Variants in IAH1 observed in about 807,000 individuals in gnomAD.
The protein encoded by IAH1 is isoamyl acetate-hydrolyzing esterase 1 homolog.
Under a neutral mutation model 26.7 loss-of-function variants are expected in IAH1, and 24 were observed. The observed-to-expected ratio is 0.90, with a 90% CI of 0.65 to 1.26. The LOEUF is 1.26. Among genes scored for constraint, IAH1 ranks in the 50% most tolerant of loss-of-function variants. The pLI, the probability that IAH1 is intolerant of heterozygous loss-of-function variation, is 0.00. For missense variants in IAH1, 300 were observed against 299.9 expected, an observed-to-expected ratio of 1.00 and a Z score of 0.00; for synonymous variants, 140 against 118.5, an observed-to-expected ratio of 1.18 and a Z score of -1.18.
intron 3 of IAH1, among the ~76,000 whole-genome samples, chr2:9,479,352 G>A (rs748970469): frequency 2.0e-5 from 3 of 152,090 alleles, no homozygotes; most frequent in East Asian, 1.9e-4. Flanking sequence ...AATAGGCTGC[G>A]AAAAAACTGA....
chr2:9,484,828 GTTC>G (rs1168031994), intron 5 of IAH1: 6 of 337,154 alleles, frequency 1.8e-5, no homozygotes, highest in East Asian at 1.1e-4. Flanking sequence ...TCCAGGCCAA[GTTC>G]TTCTTTCATA....
At chr2:9,505,619 G>A in the IAH1 span, 1 of 475,924 alleles carries the variant, frequency 2.1e-6, no homozygotes, top group Admixed American at 3.3e-5. Context: ...AGGTAAGCAA[G>A]CTATACAAAT....
At chr2:9,484,670 C>A in intron 5 of IAH1, 120 bp downstream of exon 5, 2 of 648,114 alleles carry the variant, frequency 3.1e-6, no homozygotes, top group Middle Eastern at 4.1e-4. Flanking sequence ...TCCCTTTAGC[C>A]AATGAAAACA....
Position 9,484,335 on chromosome 2 carries a change from T to A in IAH1, c.446-97T>A. The A allele has an allele frequency of 3.1e-6, 3 of 952,758 alleles. No homozygotes were observed. In the South Asian group the frequency reaches 4.3e-5, roughly 14 times the overall value. 59.0% of individuals were successfully genotyped at this position (952,758 alleles called of 1,614,324 possible). A position where few individuals can be genotyped will look rare whatever the true frequency, so the allele number is the denominator to read the frequency against. ...TGGCCCAAGTGGGGTCAATATTTAA[T>A]GGCATTTTGAAACTGTCTAGATGAG... On this transcript the variant is annotated intron_variant, in intron 4 of 5. Coordinates refer to ENST00000497473, the MANE Select transcript of IAH1 (RefSeq NM_001039613.3).
At chr2:9,488,000 ATTT>A in intron 5 of IAH1, 144 bp from the exon 6 acceptor site, 1 of 553,254 alleles carries the variant, frequency 1.8e-6, no homozygotes, top group Non-Finnish European at 3.1e-6. Context: ...CACCCAGCTA[ATTT>A]TTGTATTTTT....
At chr2:9,476,175 G>C in intron 2 of IAH1, 136 bp downstream of exon 2, 1 of 184,428 alleles carries the variant, frequency 5.4e-6, no homozygotes, top group Admixed American at 5.9e-5. Context: ...CAGTATATAG[G>C]AGAAGGAACA....
chr2:9,490,726 A>G (rs1662063805), downstream of IAH1, among the ~76,000 whole-genome samples: 1 of 152,218 alleles, frequency 6.6e-6, no homozygotes, highest in African/African-American at 2.4e-5. Flanking sequence ...TTAATGGCAA[A>G]AACAGTAATT....
chr2:9,481,030 T>G, intron 3 of IAH1: 1 of 358,190 alleles, frequency 2.8e-6, no homozygotes, highest in Non-Finnish European at 5.0e-6. Context: ...ACCTAATTGA[T>G]GTAATAACCA....
chr2:9,489,443 A>T lies in IAH1; in HGVS notation c.*1114A>T, dbSNP rs1661901148. ...GTAACAGGGATACATGAAGATACTT[A>T]TAAAATACAGAAAAACTGCCCAGCA... On this transcript the variant is annotated 3_prime_UTR_variant, in exon 6 of 6. Transcript: ENST00000497473. 6.6e-6 allele frequency: 1 copy of T among 151,924 alleles called. No individual in the cohort carries two copies. Among genetic ancestry groups the T allele is most frequent in the Admixed American group, 6.6e-5 (1 of 15,238 alleles). 9.4% of individuals were successfully genotyped at this position (151,924 alleles called of 1,614,324 possible).
intron 2 of IAH1, 54 bp from the exon 3 acceptor site, chr2:9,478,168 C>A: frequency 6.6e-7 from 1 of 1,508,012 alleles, no homozygotes. Flanking sequence ...CCGGTTACTG[C>A]GACCATAAAC....
chr2:9,503,159 G>GAA, the IAH1 span, among the ~76,000 whole-genome samples: 1 of 139,312 alleles, frequency 7.2e-6, no homozygotes, highest in Admixed American at 7.2e-5. Flanking sequence ...AAAAGACAAG[G>GAA]AAAAAAAAAA....
the IAH1 span, among the ~76,000 whole-genome samples, chr2:9,508,487 C>G: frequency 6.6e-6 from 1 of 152,228 alleles, no homozygotes; most frequent in African/African-American, 2.4e-5. Context: ...TCAGTGATTT[C>G]TAATAACTTT....
At chr2:9,477,609 C>T (rs914079318) in intron 2 of IAH1, among the ~76,000 whole-genome samples, 2 of 151,754 alleles carry the variant, frequency 1.3e-5, no homozygotes, top group Non-Finnish European at 2.9e-5. Context: ...GCACAGCGTG[C>T]CCAGGGTCAC....
upstream of IAH1, chr2:9,474,012 G>A (rs1682317397): frequency 6.6e-6 from 1 of 150,948 alleles, no homozygotes; most frequent in Non-Finnish European, 1.5e-5. This position sits in a 1 kb window ranked among gnomAD's most constrained non-coding sequence, Gnocchi z 4.3. Context: ...GCGGGAAAAA[G>A]AAAAGCGGCC....
At chr2:9,490,488 C>T (rs1334320157), downstream of IAH1, 2 of 1,613,768 alleles carry the variant, frequency 1.2e-6, no homozygotes, top group East Asian at 4.5e-5. Context: ...CGAACCGATG[C>T]AGAATCCATG....
the IAH1 span, among the ~76,000 whole-genome samples, chr2:9,504,621 G>A: frequency 1.3e-5 from 2 of 151,194 alleles, no homozygotes; most frequent in Admixed American, 1.3e-4. Context: ...AAATTAGCCG[G>A]GCATGGTGGT....
chr2:9,492,887 T>G (rs1662275952), downstream of IAH1: 1 of 1,601,800 alleles, frequency 6.2e-7, no homozygotes, highest in Non-Finnish European at 8.5e-7. Flanking sequence ...ACTTAAAAGT[T>G]GATGACTTAC....
downstream of IAH1, among the ~76,000 whole-genome samples, chr2:9,498,798 T>C (rs542907136): frequency 2.0e-5 from 3 of 152,376 alleles, no homozygotes; most frequent in Admixed American, 2.0e-4. Context: ...TATATGATAC[T>C]GCCCTGATAC....
intron 4 of IAH1, 150 bp from the exon 5 acceptor site, chr2:9,484,282 C>T (rs1661351726): frequency 1.5e-6 from 1 of 658,394 alleles, no homozygotes; most frequent in African/African-American, 1.8e-5. Context: ...CTGCAAGGCT[C>T]ATCAACATAT....
Sources: allele counts gnomAD v4.1 joint callset (sites outside exome capture counted in the v4.1 genomes callset), GRCh38; gene constraint gnomAD v4.1.1; non-coding constraint Gnocchi (gnomAD v3.1); transcripts MANE v1.5; gene names NCBI Gene and HGNC (gene_info 2026-07-23, HGNC 2026-07-21).